Variants in SLC6A16 observed in about 807,000 individuals in gnomAD.
The protein encoded by SLC6A16 is solute carrier family 6 member 16, also known as orphan sodium- and chloride-dependent neurotransmitter transporter NTT5.
Under a neutral mutation model 65.4 loss-of-function variants are expected in SLC6A16, and 54 were observed. The ratio of observed to expected loss-of-function variants is 0.83; its 90% confidence interval spans 0.66 to 1.04. The LOEUF (loss-of-function observed/expected upper bound fraction) is 1.04. Ranked by LOEUF, SLC6A16 falls within the 50% of genes least tolerant of loss-of-function variation. The pLI, the probability that SLC6A16 is intolerant of heterozygous loss-of-function variation, is 0.00. For synonymous variants in SLC6A16, 330 were observed against 346.5 expected, an observed-to-expected ratio of 0.95 and a Z score of 0.53; for missense variants, 816 against 914.0, an observed-to-expected ratio of 0.89 and a Z score of 1.38.
the SLC6A16 span, chr19:49,339,282 T>C: frequency 6.5e-7 from 1 of 1,536,650 alleles, no homozygotes. The surrounding 1 kb of genome is among the most constrained non-coding windows in gnomAD (Gnocchi z 4.5). Context: ...GGGCCTGGGC[T>C]TGAGAGTCCC....
the SLC6A16 span, chr19:49,338,889 A>G: frequency 6.2e-7 from 1 of 1,614,144 alleles, no homozygotes; most frequent in Non-Finnish European, 8.5e-7. The surrounding 1 kb of genome is among the most constrained non-coding windows in gnomAD (Gnocchi z 5.0). Flanking sequence ...GTCCAGACAC[A>G]GTGCAGACAT....
At chr19:49,312,066 A>G (rs1015229866) in intron 1 of SLC6A16, among the ~76,000 whole-genome samples, 1 of 151,638 alleles carries the variant, frequency 6.6e-6, no homozygotes, top group Non-Finnish European at 1.5e-5. Flanking sequence ...TAGTAGAGCC[A>G]GGTTGGTCTT....
At chr19:49,336,661 A>G in the SLC6A16 span, 1 of 472,496 alleles carries the variant, frequency 2.1e-6, no homozygotes, top group Non-Finnish European at 3.8e-6. Flanking sequence ...ACTACTGGGG[A>G]CGAGGAGGAG....
intron 7 of SLC6A16, among the ~76,000 whole-genome samples, chr19:49,298,313 AAGG>A (rs1442637931): frequency 6.6e-6 from 1 of 152,202 alleles, no homozygotes; most frequent in Non-Finnish European, 1.5e-5. Context: ...ACTCAACATG[AAGG>A]AGAGAAAATA....
At chr19:49,310,293 G>C in intron 3 of SLC6A16, 60 bp downstream of exon 3, 3 of 1,606,206 alleles carry the variant, frequency 1.9e-6, no homozygotes, top group Non-Finnish European at 2.6e-6. Context: ...CATTTCAGGA[G>C]GAGGGTTGGG....
At chr19:49,335,314 G>A in the SLC6A16 span, 1 of 572,318 alleles carries the variant, frequency 1.7e-6, no homozygotes, top group Non-Finnish European at 3.1e-6. This position sits in a 1 kb window ranked among gnomAD's most constrained non-coding sequence, Gnocchi z 4.6. Context: ...ATGTGTCCCA[G>A]TGGAGCAGGT....
rs1970129822 is a variant in SLC6A16 at position 49,293,896 on chromosome 19, T to C, written c.1549A>G (p.Met517Val). 1.2e-6 allele frequency: 2 copies of C among 1,614,050 alleles called. No individual in the cohort carries two copies. Among genetic ancestry groups the C allele is most frequent in the Non-Finnish European group, 1.7e-6 (2 of 1,180,008 alleles). ...TGGAGTGGAGTAATGATGCCCTGCA[T>C]AATCCCTATTGCGCTGCTCAGCCCC... Reference protein sequence around the residue: ...AMGLSSAIGIMQGIITPLQDT... With the variant: ...AMGLSSAIGIVQGIITPLQDT... The change falls in exon 9 of 12, where the codon ATG (methionine) becomes GTG (valine). Residue 517 changes from methionine (M) to valine (V), a missense_variant. Transcript: ENST00000335875.
upstream of SLC6A16, among the ~76,000 whole-genome samples, chr19:49,329,328 C>T (rs187925175): frequency 2.2e-3 from 341 of 152,204 alleles, 3 homozygotes; most frequent in African/African-American, 7.6e-3. Context: ...ACCTCGTAAT[C>T]TGCCTGCCTC....
the SLC6A16 span, chr19:49,338,257 C>A: frequency 1.5e-6 from 2 of 1,312,148 alleles, no homozygotes; most frequent in African/African-American, 1.5e-5. The surrounding 1 kb of genome is among the most constrained non-coding windows in gnomAD (Gnocchi z 5.0). Flanking sequence ...CCTCGAGAGA[C>A]TCCGCCCCCG....
At chr19:49,290,801 G>A in intron 10 of SLC6A16, 34 bp from the exon 11 acceptor site, 2 of 1,572,180 alleles carry the variant, frequency 1.3e-6, no homozygotes, top group Non-Finnish European at 1.7e-6. Flanking sequence ...GGGATGCCCA[G>A]TTAGGCCTCA....
At chr19:49,324,812 TC>T (rs1414889722) in intron 1 of SLC6A16, among the ~76,000 whole-genome samples, 7 of 152,244 alleles carry the variant, frequency 4.6e-5, no homozygotes, top group Middle Eastern at 3.4e-3. Flanking sequence ...TGGCTCAAAC[TC>T]GGACTGGATG....
Position 49,311,411 on chromosome 19 carries a change from C to T in SLC6A16, c.-64G>A, listed in dbSNP as rs1390256915. ...GGGAGGGTTCATCTTCCTGAGGAGA[C>T]CTGAAGGACACCAAAATCTGTAGAT... On this transcript the variant is annotated splice_region_variant and 5_prime_UTR_variant, in exon 2 of 12. Transcript: ENST00000335875. 5 of 1,494,676 alleles carry T rather than the reference C, an allele frequency of 3.3e-6. No homozygotes were observed. In the Admixed American group the frequency reaches 1.2e-4, roughly 35 times the overall value. 92.6% of individuals were successfully genotyped at this position (1,494,676 alleles called of 1,614,324 possible).
At chr19:49,315,354 G>C (rs1488941381) in intron 1 of SLC6A16, among the ~76,000 whole-genome samples, 1 of 152,196 alleles carries the variant, frequency 6.6e-6, no homozygotes, top group African/African-American at 2.4e-5. Flanking sequence ...CAGCAGGTGG[G>C]CCACTCCTCT....
chr19:49,314,074 C>A (rs952712059), intron 1 of SLC6A16, among the ~76,000 whole-genome samples: 1 of 142,154 alleles, frequency 7.0e-6, no homozygotes, highest in East Asian at 2.1e-4. Context: ...CCAGCCTGGG[C>A]AACAGAGTGA....
At chr19:49,315,360 CCT>C (rs1266077048) in intron 1 of SLC6A16, among the ~76,000 whole-genome samples, 1 of 152,204 alleles carries the variant, frequency 6.6e-6, no homozygotes, top group African/African-American at 2.4e-5. Context: ...GTGGGCCACT[CCT>C]CTGTTATTGG....
At chr19:49,312,993 G>T (rs893390241) in intron 1 of SLC6A16, among the ~76,000 whole-genome samples, 1 of 148,778 alleles carries the variant, frequency 6.7e-6, no homozygotes, top group Non-Finnish European at 1.5e-5. Flanking sequence ...TGAGGCAGGA[G>T]GATCGTTTGA....
chr19:49,313,224 T>C (rs1452782145), intron 1 of SLC6A16, among the ~76,000 whole-genome samples: 1 of 152,136 alleles, frequency 6.6e-6, no homozygotes, highest in Non-Finnish European at 1.5e-5. Flanking sequence ...TGCAGTGGCA[T>C]GATCCACAGT....
chr19:49,339,251 G>A, the SLC6A16 span: 1 of 1,296,392 alleles, frequency 7.7e-7, no homozygotes, highest in Non-Finnish European at 1.1e-6. The surrounding 1 kb of genome is among the most constrained non-coding windows in gnomAD (Gnocchi z 4.5). Flanking sequence ...AGACGGTGAG[G>A]GTTGGCCTGA....
the SLC6A16 span, chr19:49,338,747 C>T: frequency 1.2e-6 from 2 of 1,613,420 alleles, no homozygotes; most frequent in Non-Finnish European, 1.7e-6. The surrounding 1 kb of genome is among the most constrained non-coding windows in gnomAD (Gnocchi z 5.0). Context: ...TCCAAGTCCT[C>T]ATCCTGAGAG....
Sources: gnomAD v4.1 joint callset for allele counts (sites outside exome capture counted in the v4.1 genomes callset) on GRCh38, gnomAD v4.1.1 for gene constraint, Gnocchi (gnomAD v3.1) non-coding constraint, MANE v1.5 for transcripts, NCBI Gene and HGNC (gene_info 2026-07-23, HGNC 2026-07-21) for gene names.